The following RIN2 variants were observed in gnomAD, a reference collection of about 807,000 sequenced individuals.
RIN2 encodes Ras and Rab interactor 2, also known as RAB5 interacting protein 2.
A neutral mutation model predicts 78.0 loss-of-function variants in RIN2; 36 were observed. The ratio of observed to expected loss-of-function variants is 0.46; its 90% CI spans 0.35 to 0.61. The LOEUF is 0.61. RIN2 is among the 20% of genes least tolerant of loss of function. RIN2 has a pLI of 0.00. For missense variants in RIN2, 1,087 were observed against 1,159.7 expected (o/e 0.94, Z 0.91); for synonymous variants, 466 against 466.8 (o/e 1.00, Z 0.02).
chr20:19,996,357 T>C (rs995252445), intron 11 of RIN2, among the ~76,000 whole-genome samples: 36 of 151,782 alleles, frequency 2.4e-4, no homozygotes, highest in African/African-American at 7.7e-4. Flanking sequence ...AAAAACACTT[T>C]AGTGGCTTGG....
At chr20:19,775,809 G>GC (rs1239254878) in intron 1 of RIN2, among the ~76,000 whole-genome samples, 2 of 152,174 alleles carry the variant, frequency 1.3e-5, no homozygotes, top group Non-Finnish European at 2.9e-5. Context: ...GAGTATGTCC[G>GC]CCCCAGGGCC....
intron 2 of RIN2, among the ~76,000 whole-genome samples, chr20:19,839,160 G>A (rs2036508691): frequency 6.6e-6 from 1 of 152,210 alleles, no homozygotes; most frequent in South Asian, 2.1e-4. Context: ...ACCTTTGCCT[G>A]ACAACCATGT....
intron 2 of RIN2, among the ~76,000 whole-genome samples, chr20:19,814,568 T>C (rs1478581048): frequency 6.6e-6 from 1 of 152,222 alleles, no homozygotes; most frequent in East Asian, 1.9e-4. Context: ...TCTCATGTGA[T>C]TAAAGTCATT....
upstream of RIN2, chr20:19,758,072 C>T (rs1438881448): frequency 2.0e-5 from 3 of 152,416 alleles, no homozygotes; most frequent in Admixed American, 6.5e-5. Flanking sequence ...CCCATCTCCT[C>T]TGCGAGCTCA....
chr20:19,884,032 CT>C (rs2038106696), intron 2 of RIN2, among the ~76,000 whole-genome samples: 1 of 151,296 alleles, frequency 6.6e-6, no homozygotes, highest in Admixed American at 6.6e-5. Flanking sequence ...AACTCCTGGC[CT>C]CAAGCATTCC....
intron 1 of RIN2, among the ~76,000 whole-genome samples, chr20:19,766,907 A>G (rs567475167): frequency 3.1e-4 from 47 of 149,424 alleles, no homozygotes; most frequent in African/African-American, 1.2e-3. Flanking sequence ...GTGAGACTCC[A>G]TCTCAGAAAA....
intron 2 of RIN2, among the ~76,000 whole-genome samples, chr20:19,857,967 A>G (rs541798628): frequency 6.6e-6 from 1 of 152,246 alleles, no homozygotes; most frequent in South Asian, 2.1e-4. Context: ...TCTTCCTTAT[A>G]TATTCTAGCC....
intron 2 of RIN2, among the ~76,000 whole-genome samples, chr20:19,846,605 AAGGAGATTTT>A (rs2036792157): frequency 6.6e-6 from 1 of 152,184 alleles, no homozygotes. Flanking sequence ...TGATCAGCTT[AAGGAGATTTT>A]GGGCTGAGAC....
At chr20:19,868,765 G>A (rs2064948) in intron 2 of RIN2, among the ~76,000 whole-genome samples, 38,520 of 151,982 alleles carry the variant, frequency 0.25, 4,985 homozygotes, top group East Asian at 0.31. Context: ...GATGATCTCT[G>A]ACCTAAGTCT....
chr20:19,921,050 G>A (rs1219625584), intron 3 of RIN2, among the ~76,000 whole-genome samples: 1 of 152,162 alleles, frequency 6.6e-6, no homozygotes, highest in Non-Finnish European at 1.5e-5. Context: ...GCCTCTGGGA[G>A]TGCCACTGAT....
At chr20:19,907,273 C>A (rs953022973) in intron 3 of RIN2, among the ~76,000 whole-genome samples, 1 of 152,190 alleles carries the variant, frequency 6.6e-6, no homozygotes, top group Non-Finnish European at 1.5e-5. Flanking sequence ...TCCTAAAAGC[C>A]CCACCTCTCA....
At chr20:19,940,098 C>T (rs1042268389) in intron 4 of RIN2, among the ~76,000 whole-genome samples, 1 of 152,132 alleles carries the variant, frequency 6.6e-6, no homozygotes. Flanking sequence ...GCAATCCGCC[C>T]GCCTTGACCT....
At chr20:19,798,060 C>T (rs2035118323) in intron 1 of RIN2, among the ~76,000 whole-genome samples, 1 of 151,440 alleles carries the variant, frequency 6.6e-6, no homozygotes, top group South Asian at 2.1e-4. Flanking sequence ...ACTGTGTTAG[C>T]CAGGATGGCC....
intron 4 of RIN2, among the ~76,000 whole-genome samples, chr20:19,950,699 A>G (rs2041275509): frequency 6.6e-6 from 1 of 151,960 alleles, no homozygotes; most frequent in Non-Finnish European, 1.5e-5. Flanking sequence ...ACACTTAAGG[A>G]AATTCTCCAT....
Position 19,975,780 on chromosome 20 carries a change from C to A in RIN2, c.1755C>A (p.Asp585Glu). Residue 585 changes from aspartate to glutamate, a missense_variant, in exon 9 of 13, where the codon GAC becomes GAA. This residue lies in a region of RIN2 where 39 missense variants were observed against 34.9 expected (regional missense o/e 1.12). Coordinates refer to ENST00000255006, the MANE Select transcript of RIN2 (RefSeq NM_018993.4). This position sits in a 1 kb window ranked among gnomAD's most constrained non-coding sequence, Gnocchi z 4.9. ...DPPIESLIPEDQIDVVLEKAM... is the reference protein window; with the variant it reads ...DPPIESLIPEEQIDVVLEKAM... ...CCATCGAGTCGCTGATCCCTGAAGACCAAATAGGTAAGTACCCTCTTTTTT... is the reference window on the plus strand; with the variant it reads ...CCATCGAGTCGCTGATCCCTGAAGAACAAATAGGTAAGTACCCTCTTTTTT... The A allele has an allele frequency of 6.2e-7, 1 of 1,608,292 alleles. No individual in the cohort carries two copies. Among genetic ancestry groups the A allele is most frequent in the Non-Finnish European group, 8.5e-7 (1 of 1,177,416 alleles).
intron 3 of RIN2, among the ~76,000 whole-genome samples, chr20:19,907,643 A>G (rs953497125): frequency 6.6e-6 from 1 of 152,240 alleles, no homozygotes; most frequent in Non-Finnish European, 1.5e-5. Flanking sequence ...GGTCTGGGAA[A>G]GCCCCAGGGT....
chr20:19,886,593 CCTT>C (rs767980692), intron 2 of RIN2: 126 of 786,188 alleles, frequency 1.6e-4, no homozygotes, highest in South Asian at 2.9e-4. Flanking sequence ...ATGAGGGCTG[CCTT>C]CTTCTTCTTC....
intron 1 of RIN2, among the ~76,000 whole-genome samples, chr20:19,784,757 G>A (rs1346339214): frequency 6.6e-6 from 1 of 152,078 alleles, no homozygotes; most frequent in African/African-American, 2.4e-5. Context: ...GTGGAGAAGG[G>A]CAGGAGTGTG....
chr20:19,995,274 A>AC lies in RIN2; in HGVS notation c.2201-1405_2201-1404insC, dbSNP rs1555812005. On this transcript the variant is annotated intron_variant, in intron 11 of 12. Coordinates refer to ENST00000255006, the MANE Select transcript of RIN2 (RefSeq NM_018993.4). ...CTGTTTTTTTTTTAAAAAAAAAAAAAAAAACAAAACACATTCATAAACTTC... is the reference window on the plus strand; with the variant it reads ...CTGTTTTTTTTTTAAAAAAAAAAAAACAAAACAAAACACATTCATAAACTTC... 3.8e-3 allele frequency among the ~76,000 whole-genome samples: 574 copies of AC among 151,306 alleles called. 3 individuals carry two copies. The highest frequency in any genetic ancestry group is 0.013 in the African/African-American group (534 of 41,034).
Sources: allele counts gnomAD v4.1 joint callset (sites outside exome capture counted in the v4.1 genomes callset), GRCh38; gene constraint gnomAD v4.1.1; regional missense constraint gnomAD v4.1.1; non-coding constraint Gnocchi (gnomAD v3.1); transcripts MANE v1.5; gene names NCBI Gene and HGNC (gene_info 2026-07-23, HGNC 2026-07-21).